CNTN1: variants seen among roughly 807,000 people sequenced by gnomAD.
CNTN1 encodes the protein contactin 1, also known as contactin-1.
In CNTN1, 38 loss-of-function variants were observed where a neutral mutation model predicts 126.4. The ratio of observed to expected loss-of-function variants is 0.30; its 90% CI spans 0.23 to 0.39. The LOEUF is 0.39. Ranked by LOEUF, CNTN1 falls within the 10% of genes least tolerant of loss-of-function variation. The pLI, the probability that CNTN1 is intolerant of heterozygous loss-of-function variation, is 1.00. For synonymous variants in CNTN1, 413 were observed against 422.6 expected, an observed-to-expected ratio of 0.98 and a Z score of 0.28; for missense variants, 1,009 against 1,248.4, an observed-to-expected ratio of 0.81 and a Z score of 2.89.
At chr12:40,744,019 CA>C (rs1938061717) in intron 1 of CNTN1, among the ~76,000 whole-genome samples, 1 of 151,984 alleles carries the variant, frequency 6.6e-6, no homozygotes, top group Admixed American at 6.6e-5. Flanking sequence ...TTATCCTCAG[CA>C]AACTAACACA....
intron 15 of CNTN1, among the ~76,000 whole-genome samples, chr12:40,975,039 G>A (rs1947631994): frequency 6.6e-6 from 1 of 151,574 alleles, no homozygotes; most frequent in Non-Finnish European, 1.5e-5. Flanking sequence ...ATCTAAATTT[G>A]AAAATAGATG....
rs147118796 is a variant in CNTN1, at chr12:40,717,683, GTAGAAATA to G, written c.-77+25095_-77+25102del. Reference sequence around the variant, plus strand: ...GAGGAAAGTCATTTCACAGTTTTATGTAGAAATATAGTTTTGTTTTTCTAGCATTGGTT... The same window carrying G: ...GAGGAAAGTCATTTCACAGTTTTATGTAGTTTTGTTTTTCTAGCATTGGTT... On this transcript the variant is annotated intron_variant, in intron 1 of 23. Coordinates refer to ENST00000551295, the MANE Select transcript of CNTN1 (RefSeq NM_001843.4). 5.4e-3 allele frequency among the ~76,000 whole-genome samples: 820 copies of G among 152,310 alleles called. 3 individuals are homozygous for G. Among genetic ancestry groups the G allele is most frequent in the Non-Finnish European group, 8.1e-3 (550 of 68,024 alleles).
At chr12:40,925,629 A>ATATATATACGTG (rs1945641942) in intron 6 of CNTN1, among the ~76,000 whole-genome samples, 12 of 145,272 alleles carry the variant, frequency 8.3e-5, no homozygotes, top group African/African-American at 2.5e-4. Flanking sequence ...ATATACACAT[A>ATATATATACGTG]TATATATATA....
chr12:40,924,410 G>A lies in CNTN1; in HGVS notation c.401-147G>A, dbSNP rs549218952. The A allele has an allele frequency of 6.9e-5, 45 of 649,584 alleles. 2 individuals are homozygous for A. The highest frequency in any genetic ancestry group is 5.5e-4 in the South Asian group (34 of 62,214). The allele number at this position is 649,584 out of a possible 1,614,324, so 40.2% of individuals were successfully genotyped here. ...TACAAAATCTCAGCAATGTAAGAAC[G>A]AGGAGCTGACTTTACTAGGCTTCAC... On this transcript the variant is annotated intron_variant, in intron 5 of 23. Transcript: ENST00000551295.
chr12:40,754,492 G>T (rs1057194160), intron 1 of CNTN1, among the ~76,000 whole-genome samples: 1 of 151,670 alleles, frequency 6.6e-6, no homozygotes, highest in Non-Finnish European at 1.5e-5. Flanking sequence ...TTTTACTGTT[G>T]CATTGTTTTT....
At chr12:41,064,459 G>A (rs1566249953) in intron 23 of CNTN1, among the ~76,000 whole-genome samples, 1 of 152,192 alleles carries the variant, frequency 6.6e-6, no homozygotes, top group Non-Finnish European at 1.5e-5. Context: ...TGCAGGTCTA[G>A]AACAAGAAAT....
At chr12:40,708,093 T>TC (rs1941816434) in intron 1 of CNTN1, among the ~76,000 whole-genome samples, 1 of 152,236 alleles carries the variant, frequency 6.6e-6, no homozygotes, top group Non-Finnish European at 1.5e-5. Context: ...TTGTTAAATT[T>TC]TACATTAAAG....
At chr12:40,870,143 G>A (rs1041536798) in intron 1 of CNTN1, among the ~76,000 whole-genome samples, 6 of 151,926 alleles carry the variant, frequency 3.9e-5, no homozygotes, top group Admixed American at 6.6e-5. Context: ...TCTCAGCCAC[G>A]TGGAACTCTA....
chr12:40,780,918 TC>T (rs1254572892), intron 1 of CNTN1, among the ~76,000 whole-genome samples: 2 of 108,448 alleles, frequency 1.8e-5, no homozygotes, highest in African/African-American at 5.5e-5. Flanking sequence ...ATGATGGAAA[TC>T]TTTTTTTTTT....
intron 14 of CNTN1, 39 bp downstream of exon 14, chr12:40,944,209 A>C: frequency 1.3e-6 from 2 of 1,514,368 alleles, no homozygotes; most frequent in South Asian, 1.1e-5. Flanking sequence ...CACCCCAGTG[A>C]TTCCTATGTG....
At chr12:40,986,563 C>T (rs1273208124) in intron 16 of CNTN1, among the ~76,000 whole-genome samples, 4 of 152,146 alleles carry the variant, frequency 2.6e-5, no homozygotes, top group African/African-American at 9.7e-5. Flanking sequence ...TCTTTCAGTT[C>T]CCCTGCTTCT....
chr12:40,960,775 T>C (rs1947079742), intron 15 of CNTN1, among the ~76,000 whole-genome samples: 1 of 152,086 alleles, frequency 6.6e-6, no homozygotes, highest in South Asian at 2.1e-4. Context: ...GGAGAGGGAT[T>C]AGAGGGATTA....
intron 12 of CNTN1, among the ~76,000 whole-genome samples, chr12:40,941,296 C>CAAAT (rs1401064330): frequency 6.6e-6 from 1 of 151,876 alleles, no homozygotes; most frequent in Non-Finnish European, 1.5e-5. Flanking sequence ...TATTCATATG[C>CAAAT]AAATATATTT....
intron 15 of CNTN1, among the ~76,000 whole-genome samples, chr12:40,973,567 C>T (rs929711847): frequency 3.9e-5 from 6 of 152,016 alleles, no homozygotes; most frequent in African/African-American, 1.2e-4. Context: ...AATATTTTTA[C>T]GTGGTGCTTT....
intron 1 of CNTN1, among the ~76,000 whole-genome samples, chr12:40,789,137 A>G (rs7132626): frequency 0.96 from 146,434 of 152,148 alleles, 70,707 homozygotes; most frequent in East Asian, 1. Context: ...TTTTCCATAT[A>G]TAGATAATAA....
chr12:41,056,215 A>G (rs1249819924), intron 23 of CNTN1, among the ~76,000 whole-genome samples: 1 of 152,136 alleles, frequency 6.6e-6, no homozygotes, highest in Admixed American at 6.6e-5. Flanking sequence ...TGAAATATTT[A>G]TTTATAATAG....
intron 1 of CNTN1, among the ~76,000 whole-genome samples, chr12:40,730,909 C>G (rs1053190572): frequency 2.6e-5 from 4 of 151,822 alleles, no homozygotes; most frequent in African/African-American, 2.4e-5. Flanking sequence ...GCAATGTAAA[C>G]GTTAATATAA....
Position 40,788,393 on chromosome 12 carries a change from A to T in CNTN1, c.-77+95801A>T, listed in dbSNP as rs187246173. Among the ~76,000 whole-genome samples, 13 of 152,236 alleles carry T rather than the reference A, an allele frequency of 8.5e-5. 1 individual carries two copies. The highest frequency in any genetic ancestry group is 7.9e-4 in the Admixed American group (12 of 15,282). On this transcript the variant is annotated intron_variant, in intron 1 of 23. Coordinates refer to ENST00000551295, the MANE Select transcript of CNTN1 (RefSeq NM_001843.4). The stretch of plus-strand genomic sequence containing the variant: ...TGTTCCTACATGTCCACCCTGATGC[A>T]GTAGCCAGGACAGGAAAGGCTGCCA...
intron 14 of CNTN1, among the ~76,000 whole-genome samples, chr12:40,944,448 T>G (rs923674174): frequency 6.6e-6 from 1 of 152,086 alleles, no homozygotes; most frequent in African/African-American, 2.4e-5. Flanking sequence ...AATTGATGTG[T>G]ATTACATCAG....
Sources: gnomAD v4.1 joint callset for allele counts (sites outside exome capture counted in the v4.1 genomes callset) on GRCh38, gnomAD v4.1.1 for gene constraint, MANE v1.5 for transcripts, NCBI Gene and HGNC (gene_info 2026-07-23, HGNC 2026-07-21) for gene names.